Variants in ARHGAP32 observed in about 807,000 individuals in gnomAD.
The protein encoded by ARHGAP32 is rho GTPase-activating protein 32.
In ARHGAP32, 51 loss-of-function variants were observed where a neutral mutation model predicts 186.5. The ratio of observed to expected loss-of-function variants is 0.27; its 90% confidence interval spans 0.22 to 0.35. The LOEUF (loss-of-function observed/expected upper bound fraction) is 0.35, where lower values mean the gene tolerates loss of function less well. ARHGAP32 is among the 10% of genes least tolerant of loss of function. The pLI is 1.00. For missense variants in ARHGAP32, 2,186 were observed against 2,623.5 expected (o/e 0.83, Z 3.64); for synonymous variants, 950 against 964.3 (o/e 0.99, Z 0.27).
At chr11:129,105,053 G>A (rs887248410) in intron 5 of ARHGAP32, among the ~76,000 whole-genome samples, 19 of 152,118 alleles carry the variant, frequency 1.2e-4, no homozygotes, top group Admixed American at 8.5e-4. Context: ...GATGCAAGGT[G>A]CTTACCTACA....
chr11:129,013,330 T>C (rs1282129155), intron 11 of ARHGAP32, among the ~76,000 whole-genome samples: 1 of 152,324 alleles, frequency 6.6e-6, no homozygotes, highest in East Asian at 1.9e-4. Flanking sequence ...AGATTAGAAC[T>C]TCACATCTAA....
intron 10 of ARHGAP32, among the ~76,000 whole-genome samples, chr11:129,057,197 T>C (rs556095009): frequency 4.5e-4 from 69 of 152,220 alleles, no homozygotes; most frequent in Non-Finnish European, 4.9e-4. Flanking sequence ...TGCAACACTG[T>C]GCTCCAGTGT....
At chr11:129,169,410 T>A (rs145450993) in intron 1 of ARHGAP32, among the ~76,000 whole-genome samples, 23 of 152,032 alleles carry the variant, frequency 1.5e-4, no homozygotes, top group African/African-American at 5.5e-4. Flanking sequence ...GGCGGGTGGA[T>A]CACGAGGTCA....
chr11:129,005,273 CTACTTAAGAGCAGT>C (rs1405780703), intron 11 of ARHGAP32, among the ~76,000 whole-genome samples: 1 of 152,108 alleles, frequency 6.6e-6, no homozygotes, highest in Non-Finnish European at 1.5e-5. Flanking sequence ...ATTTAGTCTT[CTACTTAAGAGCAGT>C]TTACACACCA....
chr11:129,199,604 A>T (rs1334139358), intron 1 of ARHGAP32, among the ~76,000 whole-genome samples: 1 of 152,258 alleles, frequency 6.6e-6, no homozygotes, highest in African/African-American at 2.4e-5. Context: ...ACCTCTACCT[A>T]GATTTCAGAG....
intron 6 of ARHGAP32, among the ~76,000 whole-genome samples, chr11:129,070,698 A>T (rs946231557): frequency 1.1e-4 from 17 of 152,122 alleles, no homozygotes; most frequent in African/African-American, 3.6e-4. Context: ...GTGAGTCTAA[A>T]ATCGTTGTGA....
At chr11:129,044,527 G>T (rs1939730980) in intron 10 of ARHGAP32, among the ~76,000 whole-genome samples, 1 of 152,142 alleles carries the variant, frequency 6.6e-6, no homozygotes. Flanking sequence ...ATAAGTAAAT[G>T]CTATTATTAT....
rs983981400 is a variant in ARHGAP32 at position 129,202,748 on chromosome 11, T to C, written c.-4-38321A>G. ...ACCACAATATCTACAAGTACAAGGATTGCACCAACCCAATATTTACTGTTG... is the reference window on the plus strand; with the variant it reads ...ACCACAATATCTACAAGTACAAGGACTGCACCAACCCAATATTTACTGTTG... On this transcript the variant is annotated intron_variant, in intron 1 of 6. Transcript: ENST00000525234. Among the ~76,000 whole-genome samples the C allele has an allele frequency of 5.9e-5, 9 of 152,160 alleles. No homozygotes were observed. In the East Asian group the frequency reaches 1.7e-3, roughly 29 times the overall value.
chr11:129,090,390 T>A (rs1279015409), intron 6 of ARHGAP32, among the ~76,000 whole-genome samples: 5 of 152,176 alleles, frequency 3.3e-5, no homozygotes, highest in Non-Finnish European at 7.4e-5. Context: ...CAGATTACTG[T>A]ATATATTTAT....
rs138420510 is a variant in ARHGAP32 at position 129,183,730 on chromosome 11, G to A, written c.116+8353C>T. ...TTCTGGAAGACCCCACCTGCCAGCT[G>A]AAGAAGACACTGAAGCAGCCATTCA... is the stretch of plus-strand genomic sequence containing the variant. On this transcript the variant is annotated intron_variant, in intron 1 of 22. Transcript: ENST00000682385. Among the ~76,000 whole-genome samples, 818 of 152,150 alleles carry A rather than the reference G, an allele frequency of 5.4e-3. 9 individuals are homozygous for A. Among genetic ancestry groups the A allele is most frequent in the African/African-American group, 0.019 (783 of 41,488 alleles).
At chr11:129,229,481 G>A (rs1171211268) in intron 1 of ARHGAP32, among the ~76,000 whole-genome samples, 2 of 152,028 alleles carry the variant, frequency 1.3e-5, no homozygotes, top group African/African-American at 4.8e-5. Flanking sequence ...ATTATCAAAT[G>A]CTACCAATTA....
chr11:129,229,090 T>C (rs923895226), intron 1 of ARHGAP32, among the ~76,000 whole-genome samples: 2 of 152,170 alleles, frequency 1.3e-5, no homozygotes, highest in Non-Finnish European at 2.9e-5. Flanking sequence ...CCTGGACAAG[T>C]TTCTGGATTT....
intron 1 of ARHGAP32, among the ~76,000 whole-genome samples, chr11:129,212,962 C>T (rs1466725076): frequency 6.6e-6 from 1 of 151,092 alleles, no homozygotes; most frequent in Non-Finnish European, 1.5e-5. Flanking sequence ...CTTATTTGGG[C>T]TACCAAACAT....
At chr11:128,998,541 T>G in intron 11 of ARHGAP32, 73 bp from the exon 12 acceptor site, 1 of 1,194,304 alleles carries the variant, frequency 8.4e-7, no homozygotes. Flanking sequence ...AAAACAAACA[T>G]ATCTCAAGAG....
intron 11 of ARHGAP32, among the ~76,000 whole-genome samples, chr11:129,012,034 C>T (rs1465207607): frequency 6.6e-6 from 1 of 152,134 alleles, no homozygotes; most frequent in Non-Finnish European, 1.5e-5. Context: ...GGATGTGAAA[C>T]TTCCCTGAGT....
intron 11 of ARHGAP32, among the ~76,000 whole-genome samples, chr11:129,028,299 C>CA (rs1938952447): frequency 6.6e-6 from 1 of 151,808 alleles, no homozygotes; most frequent in Non-Finnish European, 1.5e-5. Context: ...AACCTTCACA[C>CA]AAAAAAATGG....
At chr11:129,236,171 G>A (rs1425113630) in intron 1 of ARHGAP32, among the ~76,000 whole-genome samples, 2 of 152,142 alleles carry the variant, frequency 1.3e-5, no homozygotes, top group Non-Finnish European at 2.9e-5. Flanking sequence ...GGTTGCGCTA[G>A]TTTCCATTCC....
intron 11 of ARHGAP32, among the ~76,000 whole-genome samples, chr11:129,006,733 A>C (rs1937794956): frequency 6.6e-6 from 1 of 152,144 alleles, no homozygotes; most frequent in Non-Finnish European, 1.5e-5. Context: ...CTACCTGGCT[A>C]CTGCCTGTGT....
At chr11:129,182,298 A>C (rs1249569161) in intron 1 of ARHGAP32, among the ~76,000 whole-genome samples, 1 of 152,076 alleles carries the variant, frequency 6.6e-6, no homozygotes, top group East Asian at 1.9e-4. Flanking sequence ...TCTACAGTAA[A>C]AAAAATATTT....
Sources: gnomAD v4.1 joint callset for allele counts (sites outside exome capture counted in the v4.1 genomes callset) on GRCh38, gnomAD v4.1.1 for gene constraint, MANE v1.5 for transcripts, NCBI Gene and HGNC (gene_info 2026-07-23, HGNC 2026-07-21) for gene names.